Variants in RIN2 observed in about 807,000 individuals in gnomAD.
The protein encoded by RIN2 is Ras and Rab interactor 2, also known as RAB5 interacting protein 2.
In RIN2, 36 loss-of-function variants were observed where a neutral mutation model predicts 78.0. The ratio of observed to expected loss-of-function variants is 0.46; its 90% confidence interval spans 0.35 to 0.61. The LOEUF (loss-of-function observed/expected upper bound fraction) is 0.61, where lower values mean the gene tolerates loss of function less well. Among genes scored for constraint, RIN2 ranks in the 20% least tolerant of loss-of-function variants. The probability of loss-of-function intolerance (pLI) is 0.00; values close to 1 mark genes in which losing one functional copy is unlikely to be tolerated. For missense variants in RIN2, 1,087 were observed against 1,159.7 expected (o/e 0.94, Z 0.91); for synonymous variants, 466 against 466.8 (o/e 1.00, Z 0.02).
At chr20:19,919,594 T>G (rs913365059) in intron 3 of RIN2, among the ~76,000 whole-genome samples, 3 of 151,794 alleles carry the variant, frequency 2.0e-5, no homozygotes, top group Non-Finnish European at 4.4e-5. Context: ...TCACTTGAGC[T>G]CAGGAGTTCA....
At chr20:19,841,488 G>A (rs1301137934) in intron 2 of RIN2, among the ~76,000 whole-genome samples, 1 of 152,046 alleles carries the variant, frequency 6.6e-6, no homozygotes, top group Non-Finnish European at 1.5e-5. Context: ...AACCATAAAG[G>A]CAGAGTCTCC....
At chr20:19,761,994 C>T (rs184894930) in intron 1 of RIN2, among the ~76,000 whole-genome samples, 1 of 152,310 alleles carries the variant, frequency 6.6e-6, no homozygotes. Flanking sequence ...TGAGAAAGTA[C>T]ACCTGCTCAG....
chr20:19,988,451 T>G (rs968937563), intron 9 of RIN2, among the ~76,000 whole-genome samples: 2 of 152,192 alleles, frequency 1.3e-5, no homozygotes, highest in African/African-American at 4.8e-5. Flanking sequence ...TATATGTAAG[T>G]GGACCCATTG....
At chr20:19,808,932 G>A (rs1253577595) in intron 2 of RIN2, among the ~76,000 whole-genome samples, 1 of 152,204 alleles carries the variant, frequency 6.6e-6, no homozygotes, top group Non-Finnish European at 1.5e-5. Flanking sequence ...GCGGTCCAGG[G>A]CGTGGTCCAA....
chr20:19,844,655 T>TTCC, intron 2 of RIN2, among the ~76,000 whole-genome samples: 1 of 128,000 alleles, frequency 7.8e-6, no homozygotes, highest in African/African-American at 3.4e-5. Flanking sequence ...CTTCTTCTTC[T>TTCC]TCTTCTTCTT....
chr20:19,813,539 G>A (rs2035668969), intron 2 of RIN2, among the ~76,000 whole-genome samples: 1 of 152,024 alleles, frequency 6.6e-6, no homozygotes, highest in South Asian at 2.1e-4. Context: ...ATAACAATTG[G>A]GCAAATGAAT....
intron 9 of RIN2, among the ~76,000 whole-genome samples, chr20:19,981,587 C>T (rs2042455934): frequency 6.6e-6 from 1 of 152,190 alleles, no homozygotes; most frequent in African/African-American, 2.4e-5. Flanking sequence ...TACTAAAAGA[C>T]ACTGAAATCA....
intron 2 of RIN2, among the ~76,000 whole-genome samples, chr20:19,864,081 T>C (rs1405069169): frequency 1.3e-5 from 2 of 151,980 alleles, no homozygotes; most frequent in East Asian, 1.9e-4. Flanking sequence ...TAAACAGTTA[T>C]ACGATGGATA....
chr20:19,819,604 C>T (rs6046342), intron 2 of RIN2, among the ~76,000 whole-genome samples: 3 of 152,176 alleles, frequency 2.0e-5, no homozygotes, highest in African/African-American at 4.8e-5. Context: ...GGCACAATCA[C>T]GGCTCACTGT....
At chr20:19,818,197 ATT>A (rs11474909) in intron 2 of RIN2, among the ~76,000 whole-genome samples, 25 of 151,964 alleles carry the variant, frequency 1.6e-4, no homozygotes, top group Admixed American at 8.5e-4. Context: ...GGTATAAAAG[ATT>A]TTTTTTTAAA....
intron 2 of RIN2, among the ~76,000 whole-genome samples, chr20:19,877,429 G>A (rs534402145): frequency 6.6e-6 from 1 of 152,296 alleles, no homozygotes; most frequent in South Asian, 2.1e-4. Context: ...AACTGAGAGC[G>A]AGGTTTCAGA....
intron 2 of RIN2, among the ~76,000 whole-genome samples, chr20:19,850,815 A>C (rs907154161): frequency 1.3e-5 from 2 of 152,062 alleles, no homozygotes; most frequent in Non-Finnish European, 2.9e-5. Flanking sequence ...ATACAAACAA[A>C]AACCAAAAAT....
intron 2 of RIN2, among the ~76,000 whole-genome samples, chr20:19,856,157 C>A (rs528325813): frequency 6.6e-6 from 1 of 152,198 alleles, no homozygotes; most frequent in South Asian, 2.1e-4. Context: ...TATGAAAGAA[C>A]TTTAGGGATA....
intron 1 of RIN2, among the ~76,000 whole-genome samples, chr20:19,795,444 T>C (rs896044670): frequency 5.3e-5 from 8 of 152,186 alleles, no homozygotes; most frequent in Non-Finnish European, 1.2e-4. Context: ...GAGTTTTTTT[T>C]CCCCTCAGGT....
intron 3 of RIN2, among the ~76,000 whole-genome samples, chr20:19,930,272 A>G (rs1341270869): frequency 6.6e-6 from 1 of 152,054 alleles, no homozygotes; most frequent in African/African-American, 2.4e-5. Context: ...TGCACTAGAG[A>G]TAGGTGGCAT....
intron 2 of RIN2, among the ~76,000 whole-genome samples, chr20:19,846,385 G>T (rs745673761): frequency 1.7e-4 from 26 of 152,068 alleles, no homozygotes. Flanking sequence ...CCATTTGTTT[G>T]TGTCCCCCTC....
At chr20:19,937,941 C>G (rs1264274720) in intron 4 of RIN2, among the ~76,000 whole-genome samples, 1 of 152,210 alleles carries the variant, frequency 6.6e-6, no homozygotes, top group African/African-American at 2.4e-5. Context: ...CAGAATGAGG[C>G]TATGGAAAGT....
At chr20:19,985,104 TC>T (rs2042583981) in intron 9 of RIN2, among the ~76,000 whole-genome samples, 1 of 152,138 alleles carries the variant, frequency 6.6e-6, no homozygotes, top group African/African-American at 2.4e-5. Context: ...CCTCTCAAAG[TC>T]TCACTGCCTT....
At chr20:19,948,766 G>A (rs1181463290) in intron 4 of RIN2, among the ~76,000 whole-genome samples, 2 of 152,044 alleles carry the variant, frequency 1.3e-5, no homozygotes, top group Non-Finnish European at 2.9e-5. Context: ...GTATGCCCCA[G>A]ACAAAAGTGA....
Sources: allele counts gnomAD v4.1 joint callset (sites outside exome capture counted in the v4.1 genomes callset), GRCh38; gene constraint gnomAD v4.1.1; transcripts MANE v1.5; gene names NCBI Gene and HGNC (gene_info 2026-07-23, HGNC 2026-07-21).